LANCL2: variants seen among roughly 807,000 people sequenced by gnomAD.
LANCL2 encodes the protein LanC like glutathione S-transferase 2.
Under a neutral mutation model 56.9 loss-of-function variants are expected in LANCL2, and 33 were observed. The ratio of observed to expected loss-of-function variants is 0.58; its 90% CI spans 0.44 to 0.78. The LOEUF (loss-of-function observed/expected upper bound fraction) is 0.78, where lower values mean the gene tolerates loss of function less well. LANCL2 is among the 30% of genes least tolerant of loss of function. LANCL2 has a pLI of 0.00. For missense variants in LANCL2, 562 were observed against 580.2 expected (o/e 0.97, Z 0.32); for synonymous variants, 233 against 228.2 (o/e 1.02, Z -0.19).
At chr7:55,430,795 A>AT (rs1790718984) in intron 8 of LANCL2, among the ~76,000 whole-genome samples, 2 of 152,290 alleles carry the variant, frequency 1.3e-5, no homozygotes, top group African/African-American at 4.8e-5. Flanking sequence ...TACTGCAATG[A>AT]TTTGGGGTGG....
intron 7 of LANCL2, 92 bp downstream of exon 7, chr7:55,425,522 A>C (rs1583767497): frequency 1.7e-6 from 2 of 1,211,630 alleles, no homozygotes; most frequent in East Asian, 2.3e-5. Flanking sequence ...CCTTCTTTTA[A>C]CCTGTTTCTC....
intron 5 of LANCL2, 66 bp downstream of exon 5, chr7:55,401,386 G>C (rs977469100): frequency 7.0e-7 from 1 of 1,423,562 alleles, no homozygotes; most frequent in South Asian, 1.2e-5. Context: ...AATGAATCCT[G>C]CATATAAACA....
intron 2 of LANCL2, among the ~76,000 whole-genome samples, chr7:55,393,632 A>G (rs1009551963): frequency 6.6e-6 from 1 of 152,074 alleles, no homozygotes; most frequent in Non-Finnish European, 1.5e-5. Flanking sequence ...CCTTGATAAT[A>G]TTGTATTTGT....
intron 1 of LANCL2, among the ~76,000 whole-genome samples, chr7:55,381,890 T>C (rs138342741): frequency 7.9e-5 from 12 of 152,304 alleles, no homozygotes; most frequent in African/African-American, 2.9e-4. Flanking sequence ...AATCATAGAA[T>C]GGCAAACAAA....
rs537779001 is a variant in LANCL2 at position 55,410,345 on chromosome 7, C to T, written c.826-1562C>T. On this transcript the variant is annotated intron_variant, in intron 5 of 8. Coordinates refer to ENST00000254770, the MANE Select transcript of LANCL2 (RefSeq NM_018697.4). ...GCTAATATATTCTCTAAGTGTGTAT[C>T]AGGAAAAACACCTAAAGATTTTCTA... Among the ~76,000 whole-genome samples the T allele has an allele frequency of 3.9e-5, 6 of 152,290 alleles. No homozygotes were observed. The South Asian group carries it at 1.2e-3, about 32-fold the overall frequency.
intron 1 of LANCL2, among the ~76,000 whole-genome samples, chr7:55,381,992 G>T (rs1036090483): frequency 1.3e-5 from 2 of 152,198 alleles, no homozygotes; most frequent in African/African-American, 4.8e-5. Flanking sequence ...GAGGGACACC[G>T]TTTTTAAGTC....
intron 1 of LANCL2, among the ~76,000 whole-genome samples, chr7:55,372,908 C>T (rs1364288371): frequency 6.6e-6 from 1 of 152,194 alleles, no homozygotes. Flanking sequence ...CATACACATA[C>T]ATTCTTCCTC....
In LANCL2 at chr7:55,401,822, G is replaced by C. The variant is rs201155790; in HGVS notation, c.825+502G>C. On this transcript the variant is annotated intron_variant, in intron 5 of 8. Coordinates refer to ENST00000254770, the MANE Select transcript of LANCL2 (RefSeq NM_018697.4). ...CCCTTAATCCATTTAACCCTGAGTGGACACAGCACATGTTTCAGAGAGCAC... is the reference window on the plus strand; with the variant it reads ...CCCTTAATCCATTTAACCCTGAGTGCACACAGCACATGTTTCAGAGAGCAC... Among the ~76,000 whole-genome samples, 421 of 127,130 alleles carry C rather than the reference G, an allele frequency of 3.3e-3. 9 individuals carry two copies. Among genetic ancestry groups the C allele is most frequent in the Admixed American group, 0.027 (366 of 13,368 alleles). 83.4% of individuals were successfully genotyped at this position (127,130 alleles called of 152,430 possible).
intron 1 of LANCL2, among the ~76,000 whole-genome samples, chr7:55,387,927 G>A (rs1037231867): frequency 2.0e-5 from 3 of 151,968 alleles, no homozygotes; most frequent in Admixed American, 6.6e-5. Flanking sequence ...CTTTAAATGA[G>A]TTTTCAACGT....
chr7:55,387,956 AT>A (rs1790144940), intron 1 of LANCL2, among the ~76,000 whole-genome samples: 1 of 152,210 alleles, frequency 6.6e-6, no homozygotes, highest in Admixed American at 6.5e-5. Context: ...TAGTTGCACC[AT>A]AAATAATGAG....
At chr7:55,428,712 A>G (rs1790695617) in intron 8 of LANCL2, among the ~76,000 whole-genome samples, 1 of 152,234 alleles carries the variant, frequency 6.6e-6, no homozygotes, top group South Asian at 2.1e-4. Context: ...TGCTGTTAGC[A>G]ATGGAAGAAA....
chr7:55,366,297 C>T (rs1789867012), intron 1 of LANCL2, 68 bp downstream of exon 1: 1 of 1,322,276 alleles, frequency 7.6e-7, no homozygotes, highest in African/African-American at 1.5e-5. Context: ...CCACCTTCCG[C>T]CAGGCGTGAC....
intron 2 of LANCL2, among the ~76,000 whole-genome samples, chr7:55,393,159 AGAC>A (rs1790211746): frequency 1.3e-5 from 2 of 152,254 alleles, no homozygotes; most frequent in Admixed American, 6.5e-5. Context: ...CTCAGGGATT[AGAC>A]TGAAGTCCAA....
intron 1 of LANCL2, among the ~76,000 whole-genome samples, chr7:55,388,914 G>C (rs1400878367): frequency 2.0e-5 from 3 of 152,160 alleles, no homozygotes; most frequent in African/African-American, 4.8e-5. Context: ...GTTTGCCTTT[G>C]AGTGGCCTGA....
intron 1 of LANCL2, among the ~76,000 whole-genome samples, chr7:55,378,323 G>A (rs1248465288): frequency 6.6e-6 from 1 of 152,012 alleles, no homozygotes; most frequent in Non-Finnish European, 1.5e-5. Flanking sequence ...AGCCGGACAT[G>A]GTGGCGCATG....
intron 6 of LANCL2, among the ~76,000 whole-genome samples, chr7:55,420,044 A>G (rs1790592013): frequency 6.6e-6 from 1 of 152,180 alleles, no homozygotes; most frequent in Non-Finnish European, 1.5e-5. Flanking sequence ...AGCCTAGGTG[A>G]CAGAGTCAGA....
chr7:55,367,304 C>T (rs1450335543), intron 1 of LANCL2, among the ~76,000 whole-genome samples: 8 of 152,204 alleles, frequency 5.3e-5, no homozygotes, highest in Non-Finnish European at 1.0e-4. Context: ...CACTTCACCT[C>T]CTTGGATCTC....
rs373858559 is a variant in LANCL2 at position 55,365,783 on chromosome 7, A to G, written c.-243A>G. The G allele has an allele frequency of 2.0e-3, 766 of 377,186 alleles. 9 individuals carry two copies. The highest frequency in any genetic ancestry group is 0.015 in the African/African-American group (730 of 48,008). The allele number at this position is 377,186 out of a possible 1,614,324, so 23.4% of individuals were successfully genotyped here. A position where few individuals can be genotyped will look rare whatever the true frequency, so the allele number is the denominator to read the frequency against. On this transcript the variant is annotated 5_prime_UTR_variant, in exon 1 of 9. Coordinates refer to ENST00000254770, the MANE Select transcript of LANCL2 (RefSeq NM_018697.4). ...GAGCCCGCTCCTCTCCGTCGGGAGCAGGGCAAAGGCGCCAGGAACAGGGCA... is the reference window on the plus strand; with the variant it reads ...GAGCCCGCTCCTCTCCGTCGGGAGCGGGGCAAAGGCGCCAGGAACAGGGCA...
intron 7 of LANCL2, among the ~76,000 whole-genome samples, chr7:55,426,339 T>A (rs1232306139): frequency 6.6e-6 from 1 of 152,226 alleles, no homozygotes; most frequent in Non-Finnish European, 1.5e-5. Context: ...AGTAAATGTT[T>A]GCTAGTATTT....
Sources: gnomAD v4.1 joint callset for allele counts (sites outside exome capture counted in the v4.1 genomes callset) on GRCh38, gnomAD v4.1.1 for gene constraint, MANE v1.5 for transcripts, NCBI Gene and HGNC (gene_info 2026-07-23, HGNC 2026-07-21) for gene names.